The following TSNARE1 variants were observed in gnomAD, a reference collection of about 807,000 sequenced individuals.
TSNARE1 encodes the protein t-SNARE domain containing 1.
TSNARE1 carries 49 observed loss-of-function variants against 62.0 expected under a neutral mutation model. The ratio of observed to expected loss-of-function variants is 0.79; its 90% confidence interval spans 0.63 to 1.00. The LOEUF (loss-of-function observed/expected upper bound fraction) is 1.00. TSNARE1 is among the 50% of genes least tolerant of loss of function. The pLI is 0.00. For synonymous variants in TSNARE1, 328 were observed against 294.4 expected (o/e 1.11, Z -1.17); for missense variants, 755 against 700.1 (o/e 1.08, Z -0.88).
At chr8:142,330,587 GAA>G (rs1379594628) in intron 6 of TSNARE1, among the ~76,000 whole-genome samples, 1 of 152,230 alleles carries the variant, frequency 6.6e-6, no homozygotes, top group Non-Finnish European at 1.5e-5. Context: ...TGTTGGCAGG[GAA>G]AAGCGTGTGC....
intron 12 of TSNARE1, chr8:142,270,488 A>C: frequency 1.1e-6 from 1 of 896,958 alleles, no homozygotes; most frequent in South Asian, 5.3e-5. Context: ...AGGCATATAT[A>C]TATATATATA....
At chr8:142,401,588 G>A (rs1434648570) in intron 1 of TSNARE1, among the ~76,000 whole-genome samples, 1 of 152,124 alleles carries the variant, frequency 6.6e-6, no homozygotes, top group African/African-American at 2.4e-5. Flanking sequence ...CTAGGCTCTT[G>A]ACCCAGCATC....
intron 1 of TSNARE1, among the ~76,000 whole-genome samples, chr8:142,380,308 G>A (rs905174932): frequency 6.6e-6 from 1 of 152,154 alleles, no homozygotes; most frequent in African/African-American, 2.4e-5. Flanking sequence ...CATGGCCAAC[G>A]GCCCCTTCCT....
chr8:142,381,833 G>C (rs1018218723), intron 1 of TSNARE1, among the ~76,000 whole-genome samples: 3 of 152,194 alleles, frequency 2.0e-5, no homozygotes, highest in Non-Finnish European at 2.9e-5. Context: ...GACAAGCCCT[G>C]CCTGCCTTGG....
At chr8:142,357,766 T>C (rs942833767) in intron 1 of TSNARE1, among the ~76,000 whole-genome samples, 2 of 152,148 alleles carry the variant, frequency 1.3e-5, no homozygotes, top group Admixed American at 6.5e-5. Context: ...GCGAGTCCAC[T>C]GTGTAGGGAC....
At chr8:142,215,951 C>T (rs11777164) in intron 13 of TSNARE1, among the ~76,000 whole-genome samples, 45,129 of 152,082 alleles carry the variant, frequency 0.3, 7,488 homozygotes, top group Middle Eastern at 0.38. Context: ...GCTGGGGATA[C>T]AGGGATGGAT....
intron 11 of TSNARE1, chr8:142,275,921 A>T: frequency 1.0e-6 from 1 of 984,926 alleles, no homozygotes; most frequent in Non-Finnish European, 1.2e-6. Flanking sequence ...CCCAGCAAGG[A>T]CTCCCTACTC....
intron 6 of TSNARE1, among the ~76,000 whole-genome samples, chr8:142,323,762 G>A (rs959437710): frequency 3.9e-5 from 6 of 152,178 alleles, no homozygotes; most frequent in East Asian, 3.9e-4. Flanking sequence ...ATTCCCACTC[G>A]CCATCACGAG....
chr8:142,281,594 T>C (rs977472697), intron 11 of TSNARE1, among the ~76,000 whole-genome samples: 3 of 151,918 alleles, frequency 2.0e-5, no homozygotes, highest in African/African-American at 7.3e-5. Flanking sequence ...GAGTCAGAAC[T>C]GGACACAGTC....
At chr8:142,252,707 G>A (rs554105632) in intron 12 of TSNARE1, among the ~76,000 whole-genome samples, 8 of 152,344 alleles carry the variant, frequency 5.3e-5, no homozygotes, top group East Asian at 1.9e-4. Flanking sequence ...TGCGAGGGCC[G>A]TTGTTTACTT....
chr8:142,302,500 G>A (rs896155204), intron 9 of TSNARE1, among the ~76,000 whole-genome samples: 2 of 152,126 alleles, frequency 1.3e-5, no homozygotes, highest in Non-Finnish European at 2.9e-5. Flanking sequence ...CAGGATGGGG[G>A]CTGCCCAGCT....
At chr8:142,226,114 T>C (rs1475935027) in intron 13 of TSNARE1, among the ~76,000 whole-genome samples, 2 of 152,186 alleles carry the variant, frequency 1.3e-5, no homozygotes, top group Admixed American at 1.3e-4. Context: ...AAAGACCCTG[T>C]TCCCAAATAA....
intron 5 of TSNARE1, 89 bp downstream of exon 5, chr8:142,331,665 A>C: frequency 7.7e-7 from 1 of 1,301,798 alleles, no homozygotes; most frequent in East Asian, 2.5e-5. Context: ...CTGAGGGGGG[A>C]AGCCATCCAG....
Position 142,315,046 on chromosome 8 carries a change from GT to G in TSNARE1, c.1030del (p.Thr344ProfsTer93). ...QERPQLDRLK[T>X]QLSDAIQCYG... is the part of the protein sequence containing the mutation. ...GCACTGAATGGCATCTGAGAGCTGG[GT>G]TTTCAGCCGGTCCAGCTGAGGACGC... On this transcript the variant is annotated frameshift_variant, in exon 8 of 14. Transcript: ENST00000524325. LOFTEE classifies it high-confidence loss of function. The G allele has an allele frequency of 1.2e-6, 2 of 1,614,136 alleles. No homozygotes were observed. The highest frequency in any genetic ancestry group is 2.2e-5 in the South Asian group (2 of 91,082).
chr8:142,381,676 G>T (rs1350551380), intron 1 of TSNARE1, among the ~76,000 whole-genome samples: 6 of 152,290 alleles, frequency 3.9e-5, no homozygotes, highest in African/African-American at 1.2e-4. Flanking sequence ...GAGGAGCCAC[G>T]TGGGGCAAAC....
intron 1 of TSNARE1, among the ~76,000 whole-genome samples, chr8:142,363,774 G>C (rs1399589947): frequency 6.6e-6 from 1 of 152,130 alleles, no homozygotes; most frequent in Non-Finnish European, 1.5e-5. Context: ...TGCCCTCAGG[G>C]TGCTTTGGAA....
chr8:142,337,842 G>C (rs1403403377), intron 4 of TSNARE1, among the ~76,000 whole-genome samples: 4 of 152,218 alleles, frequency 2.6e-5, no homozygotes, highest in Non-Finnish European at 5.9e-5. Flanking sequence ...GCTGCCGCTG[G>C]AGCACAGGTT....
intron 6 of TSNARE1, among the ~76,000 whole-genome samples, chr8:142,328,731 G>A (rs28517706): frequency 0.012 from 1,807 of 152,066 alleles, 21 homozygotes; most frequent in Non-Finnish European, 0.018. Flanking sequence ...ACAGAAGTGC[G>A]TGAGCTGAGC....
chr8:142,300,546 G>A lies in TSNARE1; in HGVS notation c.1230C>T (p.Asp410=), dbSNP rs140122939. 1.8e-3 allele frequency: 2,868 copies of A among 1,612,316 alleles called. 6 individuals are homozygous for A. The highest frequency in any genetic ancestry group is 2.2e-3 in the Non-Finnish European group (2,598 of 1,180,006). The part of the protein sequence containing the change: ...WQGQEQALLP[D]ITEEDLEAIR... ...TGGCCTCCAGGTCCTCTTCAGTGAT[G>A]TCCGGGAGCAGCGCCTGCTCCTGGC... The change falls in exon 10 of 14, where the codon GAC becomes GAT. Residue 410 remains aspartate, a synonymous_variant. Coordinates refer to ENST00000524325, the MANE Select transcript of TSNARE1 (RefSeq NM_145003.5).
Sources: gnomAD v4.1 joint callset for allele counts (sites outside exome capture counted in the v4.1 genomes callset) on GRCh38, gnomAD v4.1.1 for gene constraint, MANE v1.5 for transcripts, NCBI Gene and HGNC (gene_info 2026-07-23, HGNC 2026-07-21) for gene names.